FNDC3B: variants seen among roughly 807,000 people sequenced by gnomAD.
The protein encoded by FNDC3B is fibronectin type III domain-containing protein 3B.
A neutral mutation model predicts 151.5 loss-of-function variants in FNDC3B; 12 were observed. That is an observed-to-expected ratio of 0.08 (90% CI 0.05 to 0.13). The LOEUF (loss-of-function observed/expected upper bound fraction) is 0.13, where lower values mean the gene tolerates loss of function less well. FNDC3B is among the 10% of genes least tolerant of loss of function. The pLI is 1.00. For synonymous variants in FNDC3B, 528 were observed against 549.0 expected (o/e 0.96, Z 0.54); for missense variants, 1,214 against 1,505.3 (o/e 0.81, Z 3.20).
At chr3:172,150,077 A>G (rs1297756678) in intron 3 of FNDC3B, among the ~76,000 whole-genome samples, 4 of 152,028 alleles carry the variant, frequency 2.6e-5, no homozygotes, top group East Asian at 1.9e-4. Context: ...TTGGCCTCCA[A>G]AAGTGCTGGG....
chr3:172,295,653 A>C (rs902712705), intron 8 of FNDC3B, 139 bp downstream of exon 8: 1 of 715,008 alleles, frequency 1.4e-6, no homozygotes, highest in Non-Finnish European at 2.3e-6. Flanking sequence ...AATAATTATA[A>C]TGCTAAGAAT....
rs953721023 is a variant in FNDC3B, at chr3:172,354,159, A to G, written c.2795+1076A>G. Among the ~76,000 whole-genome samples, 5 of 152,176 alleles carry G rather than the reference A, an allele frequency of 3.3e-5. No homozygotes were observed. In the East Asian group the frequency reaches 5.8e-4, roughly 18 times the overall value. On this transcript the variant is annotated intron_variant, in intron 22 of 25. Coordinates refer to ENST00000415807, the MANE Select transcript of FNDC3B (RefSeq NM_022763.4). Reference sequence around the variant, plus strand: ...ACCTTAAAAATTCAAAGTATGTTCAATATCATTCTATAGTAGTTTATTTCT... The same window carrying G: ...ACCTTAAAAATTCAAAGTATGTTCAGTATCATTCTATAGTAGTTTATTTCT...
intron 1 of FNDC3B, among the ~76,000 whole-genome samples, chr3:172,105,966 G>A (rs796749244): frequency 5.3e-5 from 8 of 152,232 alleles, no homozygotes; most frequent in Admixed American, 2.0e-4. Flanking sequence ...TAAAGTGTGT[G>A]AAGGTGATTG....
chr3:172,206,659 CAAAAAAAAAAAAAAA>C (rs57377409), intron 3 of FNDC3B, among the ~76,000 whole-genome samples: 5 of 54,514 alleles, frequency 9.2e-5, no homozygotes, highest in African/African-American at 7.1e-5. Flanking sequence ...AACTCCATCT[CAAAAAAAAAAAAAAA>C]AAAAAAAAAA....
intron 5 of FNDC3B, among the ~76,000 whole-genome samples, chr3:172,250,198 A>G (rs1444393615): frequency 6.6e-6 from 1 of 152,140 alleles, no homozygotes; most frequent in Admixed American, 6.5e-5. Context: ...GCAGGCTTCT[A>G]TTTTCTTTTG....
At chr3:172,136,881 G>C (rs1256833943) in intron 3 of FNDC3B, among the ~76,000 whole-genome samples, 1 of 152,050 alleles carries the variant, frequency 6.6e-6, no homozygotes, top group Non-Finnish European at 1.5e-5. Flanking sequence ...CACCACACCT[G>C]TCTAATTTTT....
chr3:172,129,257 G>A (rs1366245429), intron 2 of FNDC3B, among the ~76,000 whole-genome samples: 1 of 152,194 alleles, frequency 6.6e-6, no homozygotes, highest in African/African-American at 2.4e-5. Flanking sequence ...ACAGGCATGA[G>A]CCTCTGTACC....
At chr3:172,261,916 T>A (rs994025761) in intron 6 of FNDC3B, among the ~76,000 whole-genome samples, 2 of 152,148 alleles carry the variant, frequency 1.3e-5, no homozygotes, top group Non-Finnish European at 2.9e-5. Context: ...GGACTTTCCA[T>A]GTAGGTGTTA....
intron 25 of FNDC3B, among the ~76,000 whole-genome samples, chr3:172,386,689 C>T (rs1460014670): frequency 6.9e-6 from 1 of 145,952 alleles, no homozygotes; most frequent in African/African-American, 2.5e-5. Flanking sequence ...TGCAGTGAGC[C>T]GAGATCGTGC....
intron 11 of FNDC3B, among the ~76,000 whole-genome samples, chr3:172,320,294 C>T (rs113800702): frequency 0.014 from 2,148 of 152,080 alleles, 65 homozygotes; most frequent in African/African-American, 0.049. Context: ...GCAGGAGAAT[C>T]GCTTGAACCT....
At chr3:172,315,991 T>TTTC (rs1438795539) in intron 11 of FNDC3B, among the ~76,000 whole-genome samples, 14 of 147,564 alleles carry the variant, frequency 9.5e-5, no homozygotes, top group African/African-American at 2.8e-4. Context: ...TTCCTTCTTC[T>TTTC]TTCTTCTTCT....
intron 4 of FNDC3B, among the ~76,000 whole-genome samples, chr3:172,243,988 G>A (rs762826573): frequency 4.3e-4 from 65 of 152,162 alleles, no homozygotes; most frequent in Admixed American, 2.6e-3. Flanking sequence ...GGGTCATAGA[G>A]CTGGAAAAAA....
intron 3 of FNDC3B, among the ~76,000 whole-genome samples, chr3:172,171,244 T>G (rs562839756): frequency 6.6e-6 from 1 of 152,344 alleles, no homozygotes; most frequent in South Asian, 2.1e-4. Flanking sequence ...GCTTGGAAAG[T>G]GCTGATGGAG....
chr3:172,239,853 GTTCTTTTTT>G (rs1727392312), intron 4 of FNDC3B, among the ~76,000 whole-genome samples: 1 of 65,872 alleles, frequency 1.5e-5, no homozygotes, highest in African/African-American at 5.7e-5. Flanking sequence ...ATCCATTTTA[GTTCTTTTTT>G]TTTTTTTTTT....
intron 3 of FNDC3B, among the ~76,000 whole-genome samples, chr3:172,140,070 G>A (rs1188578819): frequency 6.6e-6 from 1 of 152,184 alleles, no homozygotes; most frequent in Non-Finnish European, 1.5e-5. Context: ...ATTGAAAATA[G>A]CAAGTCATTT....
At chr3:172,115,972 G>A (rs1249921434) in intron 2 of FNDC3B, among the ~76,000 whole-genome samples, 1 of 152,162 alleles carries the variant, frequency 6.6e-6, no homozygotes, top group Admixed American at 6.5e-5. Flanking sequence ...GCTGGTTCTG[G>A]ATGTAATTAG....
At chr3:172,206,466 T>C (rs911131413) in intron 3 of FNDC3B, among the ~76,000 whole-genome samples, 1 of 151,954 alleles carries the variant, frequency 6.6e-6, no homozygotes, top group Non-Finnish European at 1.5e-5. Flanking sequence ...TGAGACCAGC[T>C]TGGCCCACAT....
intron 3 of FNDC3B, among the ~76,000 whole-genome samples, chr3:172,212,793 G>C (rs955284535): frequency 1.3e-5 from 2 of 152,204 alleles, no homozygotes; most frequent in Non-Finnish European, 2.9e-5. Flanking sequence ...TGGTTTTGAT[G>C]GGGATGGACT....
intron 1 of FNDC3B, among the ~76,000 whole-genome samples, chr3:172,069,705 G>A (rs1717674346): frequency 6.6e-6 from 1 of 152,320 alleles, no homozygotes; most frequent in Middle Eastern, 3.4e-3. Flanking sequence ...TTCACTGGGA[G>A]GGAGTTGTGG....
Sources: allele counts gnomAD v4.1 joint callset (sites outside exome capture counted in the v4.1 genomes callset), GRCh38; gene constraint gnomAD v4.1.1; transcripts MANE v1.5; gene names NCBI Gene and HGNC (gene_info 2026-07-23, HGNC 2026-07-21).